The following COL6A5 variants were observed in gnomAD, a reference collection of about 807,000 sequenced individuals.
COL6A5 encodes collagen type VI alpha 5 chain.
A neutral mutation model predicts 65.6 loss-of-function variants in COL6A5; 48 were observed. That is an observed-to-expected ratio of 0.73 (90% CI 0.58 to 0.93). The LOEUF (loss-of-function observed/expected upper bound fraction) is 0.93, where lower values mean the gene tolerates loss of function less well. COL6A5 is among the 40% of genes least tolerant of loss of function. The pLI, the probability that COL6A5 is intolerant of heterozygous loss-of-function variation, is 0.00. For synonymous variants in COL6A5, 291 were observed against 322.8 expected (o/e 0.90, Z 1.05); for missense variants, 914 against 928.3 (o/e 0.98, Z 0.20).
At chr3:130,444,715 A>G (rs144244280) in intron 4 of COL6A5, among the ~76,000 whole-genome samples, 4,841 of 152,282 alleles carry the variant, frequency 0.032, 105 homozygotes, top group South Asian at 0.091. Flanking sequence ...GGAGCCCCCA[A>G]TAGACTTAAT....
At position 130,398,125 on chromosome 3, in the gene COL6A5, GTTGTTT is replaced by G; in HGVS notation, c.3991+17_3991+22del. 1.6e-5 allele frequency: 17 copies of G among 1,061,700 alleles called. No homozygotes were observed. Among genetic ancestry groups the G allele is most frequent in the South Asian group, 5.2e-5 (3 of 57,734 alleles). The allele number at this position is 1,061,700 out of a possible 1,614,324, so 65.8% of individuals were successfully genotyped here. A position where few individuals can be genotyped will look rare whatever the true frequency, so the allele number is the denominator to read the frequency against. Reference sequence around the variant, plus strand: ...TCAGAGAAGCAGGTATTGAGTTGTTGTTGTTTTTTTTTTTTTTTTTTTTGAGATGGA... The same window carrying G: ...TCAGAGAAGCAGGTATTGAGTTGTTGTTTTTTTTTTTTTTTTTGAGATGGA... On this transcript the variant is annotated intron_variant and NMD_transcript_variant, in intron 10 of 41. Transcript: ENST00000312481.
intron 5 of COL6A5, among the ~76,000 whole-genome samples, chr3:130,465,505 C>A (rs1709793929): frequency 6.6e-6 from 1 of 151,984 alleles, no homozygotes; most frequent in Non-Finnish European, 1.5e-5. Flanking sequence ...AAGGTCTTGG[C>A]TCAGTAATAG....
chr3:130,407,033 A>G (rs1312104967), intron 17 of COL6A5, among the ~76,000 whole-genome samples: 1 of 152,214 alleles, frequency 6.6e-6, no homozygotes, highest in Non-Finnish European at 1.5e-5. Context: ...TGTTGTAGAT[A>G]TCTACATGGG....
Position 130,371,693 on chromosome 3 carries a change from A to G in COL6A5, c.-28-1918A>G, listed in dbSNP as rs115186848. On this transcript the variant is annotated intron_variant and NMD_transcript_variant, in intron 1 of 41. Transcript: ENST00000312481. Reference sequence around the variant, plus strand: ...AAAACAACTTAAAATGGGTTAAAGAACTAAATGCAAGGCTAAACTATAAAA... The same window carrying G: ...AAAACAACTTAAAATGGGTTAAAGAGCTAAATGCAAGGCTAAACTATAAAA... Among the ~76,000 whole-genome samples the G allele has an allele frequency of 3.1e-3, 465 of 152,334 alleles. 3 individuals are homozygous for G. The highest frequency in any genetic ancestry group is 0.011 in the African/African-American group (440 of 41,566).
chr3:130,405,890 C>G (rs141371813), intron 14 of COL6A5, 103 bp from the exon 15 acceptor site: 5 of 1,174,060 alleles, frequency 4.3e-6, no homozygotes, highest in Non-Finnish European at 6.2e-6. Context: ...ATGTATAGCC[C>G]GAAGCGACTA....
At chr3:130,480,272 A>G (rs1710202331) in intron 7 of COL6A5, among the ~76,000 whole-genome samples, 1 of 152,054 alleles carries the variant, frequency 6.6e-6, no homozygotes, top group Non-Finnish European at 1.5e-5. Flanking sequence ...AAATTTAAAT[A>G]TATATGTTGT....
chr3:130,386,379 G>A (rs1465092950), intron 5 of COL6A5, among the ~76,000 whole-genome samples: 2 of 152,042 alleles, frequency 1.3e-5, no homozygotes, highest in Admixed American at 1.3e-4. Flanking sequence ...GCAGAAGGTG[G>A]CTAAGGTGTT....
rs180757189 is a variant in COL6A5 at position 130,471,943 on chromosome 3, T to C, written c.2328+976T>C. ...AAAAAGAAGGTAATCGTGAGTACCA[T>C]AGAGCTGAAGACCCTCAAGTACCTT... On this transcript the variant is annotated intron_variant, in intron 7 of 7. Coordinates refer to ENST00000512836, the Ensembl canonical transcript of COL6A5. The C allele has an allele frequency of 4.2e-4, 646 of 1,531,990 alleles. 2 individuals carry two copies. The African/African-American group carries it at 6.1e-3, about 14-fold the overall frequency. The allele number at this position is 1,531,990 out of a possible 1,614,324, so 94.9% of individuals were successfully genotyped here.
intron 1 of COL6A5, among the ~76,000 whole-genome samples, chr3:130,350,050 A>T (rs1577414995): frequency 6.6e-6 from 1 of 152,242 alleles, no homozygotes; most frequent in Non-Finnish European, 1.5e-5. Flanking sequence ...TGGGTAATCC[A>T]TCTTCCACAT....
At chr3:130,376,976 C>T (rs1012715883) in intron 3 of COL6A5, 140 bp downstream of exon 3, 11 of 940,036 alleles carry the variant, frequency 1.2e-5, no homozygotes, top group Admixed American at 8.9e-5. Flanking sequence ...CATACCTACT[C>T]GCTTCTGCCT....
intron 10 of COL6A5, among the ~76,000 whole-genome samples, chr3:130,400,592 G>A (rs980016247): frequency 2.0e-5 from 3 of 152,168 alleles, no homozygotes; most frequent in Non-Finnish European, 4.4e-5. Flanking sequence ...CCTCCCAGGG[G>A]TGTTTGGAAT....
chr3:130,425,958 A>G (rs61454857), intron 29 of COL6A5, among the ~76,000 whole-genome samples: 5,537 of 152,234 alleles, frequency 0.036, 204 homozygotes, highest in East Asian at 0.16. Context: ...TCTTCTTATC[A>G]CTGAAGAAAA....
At chr3:130,415,862 C>T (rs1170162289) in intron 23 of COL6A5, among the ~76,000 whole-genome samples, 155 bp downstream of exon 23, 1 of 152,062 alleles carries the variant, frequency 6.6e-6, no homozygotes, top group Non-Finnish European at 1.5e-5. Flanking sequence ...GCTCAGATTC[C>T]TCATACGTAG....
At chr3:130,387,245 C>G (rs953137764) in intron 5 of COL6A5, among the ~76,000 whole-genome samples, 1 of 151,980 alleles carries the variant, frequency 6.6e-6, no homozygotes, top group Non-Finnish European at 1.5e-5. Context: ...GACACAAGGC[C>G]ACAGCTAGCT....
exon 1 of COL6A5, chr3:130,431,795 C>T (rs1230854286): frequency 6.4e-7 from 1 of 1,551,610 alleles, no homozygotes. Flanking sequence ...CGGACGTATG[C>T]AGGAGCCAAC....
exon 4 of COL6A5, chr3:130,379,822 G>T (rs1935929545): frequency 6.4e-7 from 1 of 1,551,256 alleles, no homozygotes; most frequent in African/African-American, 1.4e-5. Context: ...GCATGATGCT[G>T]CGCTGAACCT....
intron 17 of COL6A5, among the ~76,000 whole-genome samples, chr3:130,408,552 T>A (rs1937075419): frequency 6.6e-6 from 1 of 152,206 alleles, no homozygotes; most frequent in African/African-American, 2.4e-5. Context: ...GATCTCACTC[T>A]GTCTCTCTGC....
chr3:130,389,131 C>T, exon 6 of COL6A5: 3 of 1,421,460 alleles, frequency 2.1e-6, no homozygotes, highest in Non-Finnish European at 2.8e-6. Context: ...GTGTGCTCTC[C>T]ATGGTAAGTG....
chr3:130,431,315 C>G, upstream of COL6A5: 1 of 872,124 alleles, frequency 1.1e-6, no homozygotes. Context: ...AGATTTCTTT[C>G]CTTTCTTTGC....
Sources: allele counts gnomAD v4.1 joint callset (sites outside exome capture counted in the v4.1 genomes callset), GRCh38; gene constraint gnomAD v4.1.1; transcripts MANE v1.5; gene names NCBI Gene and HGNC (gene_info 2026-07-23, HGNC 2026-07-21).